EPC1: variants seen among roughly 807,000 people sequenced by gnomAD.
EPC1 encodes enhancer of polycomb 1.
EPC1 carries 12 observed loss-of-function variants against 98.4 expected under a neutral mutation model. The ratio of observed to expected loss-of-function variants is 0.12; its 90% CI spans 0.08 to 0.20. The LOEUF is 0.20. Ranked by LOEUF, EPC1 falls within the 10% of genes least tolerant of loss-of-function variation. The pLI, the probability that EPC1 is intolerant of heterozygous loss-of-function variation, is 1.00. For missense variants in EPC1, 729 were observed against 990.5 expected (o/e 0.74, Z 3.54); for synonymous variants, 357 against 363.9 (o/e 0.98, Z 0.21).
At chr10:32,323,676 C>G (rs2248189) in intron 1 of EPC1, among the ~76,000 whole-genome samples, 142,806 of 152,282 alleles carry the variant, frequency 0.94, 67,651 homozygotes, top group East Asian at 1. Flanking sequence ...AGTAAAATCA[C>G]GTAATTGCCA....
upstream of EPC1, among the ~76,000 whole-genome samples, chr10:32,347,884 A>T (rs924064525): frequency 4.6e-5 from 7 of 152,270 alleles, no homozygotes; most frequent in African/African-American, 1.7e-4. Flanking sequence ...AATATAAATG[A>T]TAGGTATCCT....
intron 6 of EPC1, among the ~76,000 whole-genome samples, chr10:32,290,920 G>A (rs1357828745): frequency 1.3e-5 from 2 of 151,680 alleles, no homozygotes; most frequent in African/African-American, 2.4e-5. Context: ...GATTGCAGGC[G>A]CATGCCACCA....
At chr10:32,270,291 A>G (rs1835774734) in intron 13 of EPC1, among the ~76,000 whole-genome samples, 1 of 152,200 alleles carries the variant, frequency 6.6e-6, no homozygotes, top group African/African-American at 2.4e-5. Flanking sequence ...GCATTATTGG[A>G]CTTCTCACTC....
At chr10:32,331,355 A>G (rs1312797117) in intron 1 of EPC1, among the ~76,000 whole-genome samples, 3 of 151,888 alleles carry the variant, frequency 2.0e-5, no homozygotes, top group Non-Finnish European at 4.4e-5. Context: ...TCCATCTCAA[A>G]AGAAAAAAAA....
intron 10 of EPC1, among the ~76,000 whole-genome samples, chr10:32,280,541 C>T (rs1409654751): frequency 7.9e-5 from 12 of 152,008 alleles, no homozygotes; most frequent in African/African-American, 2.9e-4. Context: ...GAGTTCAAGA[C>T]CAGCCTGGCC....
intron 1 of EPC1, among the ~76,000 whole-genome samples, chr10:32,327,024 G>T: frequency 9.1e-6 from 1 of 109,752 alleles, no homozygotes; most frequent in Non-Finnish European, 2.0e-5. Flanking sequence ...AAAAATCAAT[G>T]TAAATTACCA....
At chr10:32,365,903 ATGGG>A (rs1336324317) in intron 1 of EPC1, among the ~76,000 whole-genome samples, 1 of 138,400 alleles carries the variant, frequency 7.2e-6, no homozygotes, top group Non-Finnish European at 1.5e-5. Context: ...GGGGGCCGAG[ATGGG>A]TGGATCACCT....
chr10:32,289,433 G>T (rs1836874870), intron 6 of EPC1, among the ~76,000 whole-genome samples: 2 of 144,886 alleles, frequency 1.4e-5, no homozygotes, highest in Non-Finnish European at 1.5e-5. Flanking sequence ...TGCAAAAAAA[G>T]TCCAGGCTGG....
intron 10 of EPC1, among the ~76,000 whole-genome samples, chr10:32,281,433 A>C (rs1190905371): frequency 6.6e-6 from 1 of 152,200 alleles, no homozygotes; most frequent in East Asian, 1.9e-4. Flanking sequence ...TGCCAGAGGA[A>C]GTAGTCTGGT....
At chr10:32,277,196 G>A (rs965852614) in intron 10 of EPC1, among the ~76,000 whole-genome samples, 3 of 152,136 alleles carry the variant, frequency 2.0e-5, no homozygotes, top group African/African-American at 7.2e-5. Flanking sequence ...CACACACATA[G>A]AGCACCTGAC....
At chr10:32,363,876 C>T (rs1184481606) in intron 1 of EPC1, among the ~76,000 whole-genome samples, 2 of 151,938 alleles carry the variant, frequency 1.3e-5, no homozygotes, top group Non-Finnish European at 2.9e-5. Flanking sequence ...TTGAACTATC[C>T]TCTGTATAAT....
chr10:32,271,960 T>G (rs755538367), intron 12 of EPC1, 43 bp from the exon 13 acceptor site: 17 of 1,600,864 alleles, frequency 1.1e-5, no homozygotes, highest in Admixed American at 1.8e-5. Context: ...TGTACAACTT[T>G]GCTGTTTATA....
intron 3 of EPC1, 77 bp downstream of exon 3, chr10:32,293,515 A>G: frequency 7.2e-7 from 1 of 1,380,810 alleles, no homozygotes; most frequent in East Asian, 2.4e-5. Flanking sequence ...CCAACCTGCA[A>G]TCTCACACTC....
At chr10:32,318,874 C>T (rs1592591581) in intron 1 of EPC1, among the ~76,000 whole-genome samples, 2 of 152,050 alleles carry the variant, frequency 1.3e-5, no homozygotes, top group South Asian at 4.2e-4. Flanking sequence ...ACCAAGTCAA[C>T]TCTCACACTT....
chr10:32,317,100 T>A (rs1836600556), intron 1 of EPC1, among the ~76,000 whole-genome samples: 1 of 152,230 alleles, frequency 6.6e-6, no homozygotes, highest in Admixed American at 6.5e-5. Context: ...AACTCTGTTT[T>A]ATTTTTCCCT....
Position 32,286,909 on chromosome 10 carries a change from G to A in EPC1, c.1242+17C>T. On this transcript the variant is annotated intron_variant, in intron 8 of 13. Coordinates refer to ENST00000319778, the MANE Select transcript of EPC1 (RefSeq NM_001272004.3). Reference sequence around the variant, plus strand: ...AGGTAAATAGTTTGTTATTTACAAAGACACTCTGAAACTTACAGCATAGTA... The same window carrying A: ...AGGTAAATAGTTTGTTATTTACAAAAACACTCTGAAACTTACAGCATAGTA... The A allele has an allele frequency of 6.2e-7, 1 of 1,610,246 alleles. No individual in the cohort carries two copies. The highest frequency in any genetic ancestry group is 1.1e-5 in the South Asian group (1 of 90,716).
At chr10:32,311,368 C>A (rs1836221142) in intron 1 of EPC1, among the ~76,000 whole-genome samples, 1 of 151,816 alleles carries the variant, frequency 6.6e-6, no homozygotes, top group Non-Finnish European at 1.5e-5. Flanking sequence ...ATTGCAGAAT[C>A]TGGGTTGAAG....
chr10:32,302,048 C>A (rs796216751), intron 2 of EPC1, among the ~76,000 whole-genome samples: 205 of 150,568 alleles, frequency 1.4e-3, no homozygotes, highest in African/African-American at 4.6e-3. Flanking sequence ...CCAAGGCGGG[C>A]GGATCACGAG....
chr10:32,279,272 C>T (rs1301627161), intron 10 of EPC1, among the ~76,000 whole-genome samples: 5 of 151,568 alleles, frequency 3.3e-5, no homozygotes, highest in African/African-American at 1.2e-4. Context: ...TCGCTGAACC[C>T]GGTAGGCGGA....
Sources: gnomAD v4.1 joint callset for allele counts (sites outside exome capture counted in the v4.1 genomes callset) on GRCh38, gnomAD v4.1.1 for gene constraint, MANE v1.5 for transcripts, NCBI Gene and HGNC (gene_info 2026-07-23, HGNC 2026-07-21) for gene names.